The following ETV1 variants were observed in gnomAD, a reference collection of about 807,000 sequenced individuals.
The protein encoded by ETV1 is ETS variant transcription factor 1.
ETV1 carries 27 observed loss-of-function variants against 62.3 expected under a neutral mutation model. The ratio of observed to expected loss-of-function variants is 0.43; its 90% CI spans 0.32 to 0.60. The LOEUF (loss-of-function observed/expected upper bound fraction) is 0.60. Ranked by LOEUF, ETV1 falls within the 20% of genes least tolerant of loss-of-function variation. The pLI is 0.06. For synonymous variants in ETV1, 222 were observed against 199.6 expected, an observed-to-expected ratio of 1.11 and a Z score of -0.94; for missense variants, 605 against 605.8, an observed-to-expected ratio of 1.00 and a Z score of 0.01.
At chr7:13,970,140 G>T (rs983050584) in intron 6 of ETV1, among the ~76,000 whole-genome samples, 2 of 151,446 alleles carry the variant, frequency 1.3e-5, no homozygotes, top group Admixed American at 6.6e-5. Context: ...GGGCGCCTGT[G>T]GTCCCAGCTA....
chr7:13,917,686 C>T (rs570648558), intron 9 of ETV1, among the ~76,000 whole-genome samples: 24 of 147,584 alleles, frequency 1.6e-4, no homozygotes, highest in Admixed American at 4.1e-4. Context: ...AATATGAGGC[C>T]GGGCGCGGTG....
chr7:13,898,266 G>A (rs889238662), intron 13 of ETV1, among the ~76,000 whole-genome samples: 5 of 152,128 alleles, frequency 3.3e-5, no homozygotes, highest in Non-Finnish European at 7.4e-5. Context: ...TTTCCAGGGA[G>A]ATAAATCAAA....
At chr7:13,907,002 A>T (rs1301618951) in intron 11 of ETV1, among the ~76,000 whole-genome samples, 1 of 152,188 alleles carries the variant, frequency 6.6e-6, no homozygotes, top group African/African-American at 2.4e-5. Context: ...GGAATAATCA[A>T]TCTTAAGCTC....
At position 13,900,744 on chromosome 7, in the gene ETV1, C is replaced by T. The variant is rs373175151; in HGVS notation, c.1206G>A (p.Met402Ile). 58 of 1,601,598 alleles carry T rather than the reference C, an allele frequency of 3.6e-5. No individual in the cohort carries two copies. Among genetic ancestry groups the T allele is most frequent in the Non-Finnish European group, 4.3e-6 (5 of 1,171,860 alleles). Residue 402 changes from methionine to isoleucine, a missense_variant, in exon 13 of 14, where the codon ATG becomes ATA. By Grantham distance (10) the Met-to-Ile change is conservative (BLOSUM62 1). Around this residue, in one of 3 missense-constraint regions of ETV1, gnomAD observed 100 missense variants for 156.4 expected, o/e 0.64. Coordinates refer to ENST00000430479, the MANE Select transcript of ETV1 (RefSeq NM_004956.5). ...TGCTGTATTAGCTGCTCACCTTTTG[C>T]ATAATTCCTTTCTCATAGTAATAGC... ...SLRYYYEKGI[M>I]QKVAGERYVY...
Position 13,893,926 on chromosome 7 carries a change from C to T in ETV1, c.*1940G>A, listed in dbSNP as rs571912608. ...GTATATGAACAACAATCATTGAAAT[C>T]GCAGGTTACATACATATTTTGAAAT... On this transcript the variant is annotated 3_prime_UTR_variant, in exon 14 of 14. Coordinates refer to ENST00000430479, the MANE Select transcript of ETV1 (RefSeq NM_004956.5). The T allele has an allele frequency of 3.4e-5, 8 of 233,116 alleles. No homozygotes were observed. The highest frequency in any genetic ancestry group is 1.2e-4 in the East Asian group (2 of 16,446). The allele number at this position is 233,116 out of a possible 1,614,324, so 14.4% of individuals were successfully genotyped here.
chr7:13,932,509 T>C (rs1786307407), intron 8 of ETV1, among the ~76,000 whole-genome samples: 1 of 152,088 alleles, frequency 6.6e-6, no homozygotes, highest in Non-Finnish European at 1.5e-5. Flanking sequence ...ACATATAGTG[T>C]TGTATAGGTT....
At chr7:13,900,870 T>C in intron 12 of ETV1, 31 bp from the exon 13 acceptor site, 2 of 1,411,024 alleles carry the variant, frequency 1.4e-6, no homozygotes, top group East Asian at 2.4e-5. Context: ...ATTGTAGTGT[T>C]AAGTATTAAC....
intron 9 of ETV1, among the ~76,000 whole-genome samples, chr7:13,928,991 T>C (rs1785768649): frequency 6.6e-6 from 1 of 152,190 alleles, no homozygotes; most frequent in South Asian, 2.1e-4. Context: ...CAAAAAGAAA[T>C]ATTTTAAGTG....
At chr7:13,989,677 A>T (rs1016307964), upstream of ETV1, 4 of 398,698 alleles carry the variant, frequency 1.0e-5, no homozygotes, top group African/African-American at 8.2e-5. Flanking sequence ...GACAGAGCTC[A>T]ATTCGGTGGT....
chr7:13,968,564 G>A (rs1395936340), intron 6 of ETV1, among the ~76,000 whole-genome samples: 4 of 150,842 alleles, frequency 2.7e-5, no homozygotes, highest in African/African-American at 7.3e-5. Context: ...TACTTACAGT[G>A]AGAAAATTAT....
intron 6 of ETV1, among the ~76,000 whole-genome samples, chr7:13,955,562 AG>A (rs1789323361): frequency 6.6e-6 from 1 of 152,188 alleles, no homozygotes; most frequent in South Asian, 2.1e-4. Flanking sequence ...TGACAAGGAA[AG>A]CCAAGCAAGA....
chr7:13,946,162 G>T (rs1284071208), intron 6 of ETV1, among the ~76,000 whole-genome samples: 1 of 152,076 alleles, frequency 6.6e-6, no homozygotes, highest in African/African-American at 2.4e-5. Flanking sequence ...TTTTATCCCT[G>T]ACTTCAGACA....
intron 9 of ETV1, among the ~76,000 whole-genome samples, chr7:13,918,744 G>C (rs1396847899): frequency 3.3e-5 from 5 of 151,590 alleles, no homozygotes; most frequent in Non-Finnish European, 7.4e-5. Flanking sequence ...GGACGGGGGA[G>C]GGATAGCATT....
At chr7:13,940,239 G>A (rs965444520) in intron 6 of ETV1, among the ~76,000 whole-genome samples, 2 of 151,924 alleles carry the variant, frequency 1.3e-5, no homozygotes, top group Admixed American at 6.6e-5. Flanking sequence ...GCAGGTGCTT[G>A]TAATCCCAGC....
chr7:13,958,956 T>C (rs747298020), intron 6 of ETV1: 9 of 152,168 alleles, frequency 5.9e-5, no homozygotes, highest in African/African-American at 2.2e-4. Context: ...AATATTTCAT[T>C]GAGTAGATTT....
At chr7:13,986,091 G>C in intron 5 of ETV1, 1 of 1,524,896 alleles carries the variant, frequency 6.6e-7, no homozygotes, top group Non-Finnish European at 8.9e-7. Flanking sequence ...TAAACCCATA[G>C]ATTTCCTAAG....
intron 6 of ETV1, among the ~76,000 whole-genome samples, chr7:13,972,590 T>TAC (rs1781018785): frequency 6.6e-6 from 1 of 152,222 alleles, no homozygotes; most frequent in African/African-American, 2.4e-5. Flanking sequence ...TTTGAGAAGA[T>TAC]ACACTTCTAT....
chr7:13,892,341 C>T lies in ETV1; in HGVS notation c.*3525G>A, dbSNP rs931804440. The T allele has an allele frequency of 2.2e-5, 5 of 232,446 alleles. No homozygotes were observed. Among genetic ancestry groups the T allele is most frequent in the African/African-American group, 6.6e-5 (3 of 45,264 alleles). 14.4% of individuals were successfully genotyped at this position (232,446 alleles called of 1,614,324 possible). The stretch of plus-strand genomic sequence containing the variant: ...CTAAAGGCTTGATGTGATTACCAGA[C>T]ATTTTAGTGGAATAGTTGAAATTTA... On this transcript the variant is annotated 3_prime_UTR_variant, in exon 14 of 14. Transcript: ENST00000430479.
At chr7:13,939,034 T>C in intron 7 of ETV1, 83 bp downstream of exon 7, 1 of 1,375,028 alleles carries the variant, frequency 7.3e-7, no homozygotes, top group Non-Finnish European at 1.0e-6. Flanking sequence ...ACTCATAAAA[T>C]ATGACTTGAG....
Sources: gnomAD v4.1 joint callset for allele counts (sites outside exome capture counted in the v4.1 genomes callset) on GRCh38, gnomAD v4.1.1 for gene constraint, gnomAD v4.1.1 regional missense constraint, MANE v1.5 for transcripts, NCBI Gene and HGNC (gene_info 2026-07-23, HGNC 2026-07-21) for gene names.